Variants in SGCD observed in about 807,000 individuals in gnomAD.
SGCD encodes the protein delta-sarcoglycan.
In SGCD, 18 loss-of-function variants were observed where a neutral mutation model predicts 36.6. The observed-to-expected ratio is 0.49, with a 90% CI of 0.34 to 0.73. The LOEUF (loss-of-function observed/expected upper bound fraction) is 0.73, where lower values mean the gene tolerates loss of function less well. Among genes scored for constraint, SGCD ranks in the 30% least tolerant of loss-of-function variants. SGCD has a pLI of 0.01. For synonymous variants in SGCD, 133 were observed against 130.6 expected, an observed-to-expected ratio of 1.02 and a Z score of -0.12; for missense variants, 387 against 346.7, an observed-to-expected ratio of 1.12 and a Z score of -0.92.
chr5:156,332,236 A>C (rs1768103733), intron 2 of SGCD, among the ~76,000 whole-genome samples: 1 of 152,188 alleles, frequency 6.6e-6, no homozygotes. Context: ...AAAGGCTTGG[A>C]CTATAGGTAC....
At chr5:156,270,759 G>A (rs907553720) in intron 3 of SGCD, among the ~76,000 whole-genome samples, 3 of 152,160 alleles carry the variant, frequency 2.0e-5, no homozygotes, top group African/African-American at 7.2e-5. Context: ...CATCTGTGTA[G>A]TAGGGGCATT....
rs188884181 is a variant in SGCD at position 156,117,216 on chromosome 5, G to A, written c.-281-662G>A. 2.2e-4 allele frequency among the ~76,000 whole-genome samples: 34 copies of A among 152,154 alleles called. No homozygotes were observed. In the East Asian group the frequency reaches 6.2e-3, roughly 28 times the overall value. The stretch of plus-strand genomic sequence containing the variant: ...ACTCTGAATAATTTGGTCTAGTAGG[G>A]AAGACGCAAACACATTGTTGCCCAT... On this transcript the variant is annotated intron_variant, in intron 1 of 9. Coordinates refer to the SGCD transcript ENST00000517913.
intron 7 of SGCD, among the ~76,000 whole-genome samples, chr5:156,712,444 T>C (rs1755034515): frequency 6.6e-6 from 1 of 152,244 alleles, no homozygotes; most frequent in African/African-American, 2.4e-5. Flanking sequence ...AAAATTAAAG[T>C]TTATTTTCCC....
At chr5:156,170,119 A>G (rs1233663957) in intron 3 of SGCD, among the ~76,000 whole-genome samples, 6 of 152,224 alleles carry the variant, frequency 3.9e-5, no homozygotes, top group Non-Finnish European at 8.8e-5. Flanking sequence ...AGGGAGGCCC[A>G]GGCTTTGACC....
the SGCD span, among the ~76,000 whole-genome samples, chr5:155,801,440 G>C: frequency 6.6e-6 from 1 of 152,092 alleles, no homozygotes; most frequent in Non-Finnish European, 1.5e-5. Context: ...CAACTTTGCT[G>C]GGTTTTATAG....
At chr5:156,647,172 C>T (rs1016972480) in intron 6 of SGCD, among the ~76,000 whole-genome samples, 7 of 152,140 alleles carry the variant, frequency 4.6e-5, no homozygotes, top group African/African-American at 1.7e-4. Flanking sequence ...AGAGTCAGAC[C>T]TTACCATTTC....
At chr5:155,804,899 C>T in the SGCD span, among the ~76,000 whole-genome samples, 1 of 152,110 alleles carries the variant, frequency 6.6e-6, no homozygotes, top group African/African-American at 2.4e-5. Flanking sequence ...TAGGTGTTGC[C>T]TGTAATTCTC....
chr5:155,986,020 C>T (rs541159318), intron 1 of SGCD, among the ~76,000 whole-genome samples: 2 of 152,020 alleles, frequency 1.3e-5, no homozygotes, highest in Admixed American at 6.6e-5. Context: ...TGTAGAGTGT[C>T]GAGGCACCCC....
At chr5:156,690,440 A>G (rs1226770197) in intron 7 of SGCD, among the ~76,000 whole-genome samples, 1 of 152,170 alleles carries the variant, frequency 6.6e-6, no homozygotes, top group Non-Finnish European at 1.5e-5. Flanking sequence ...AGGGAATAGA[A>G]AGAGGTGGTA....
rs552527608 is a variant in SGCD, at chr5:156,559,237, G to A, written c.295-29994G>A. 7.9e-5 allele frequency among the ~76,000 whole-genome samples: 12 copies of A among 152,226 alleles called. No individual in the cohort carries two copies. In the South Asian group the frequency reaches 8.3e-4, roughly 11 times the overall value. On this transcript the variant is annotated intron_variant, in intron 4 of 8. Transcript: ENST00000337851. The stretch of plus-strand genomic sequence containing the variant: ...AGTGCCCCTGGCTCTCTCAGACTGG[G>A]AGGTTTTCCATCATGAAGACATCCA...
intron 7 of SGCD, among the ~76,000 whole-genome samples, chr5:156,728,993 G>A (rs1378451760): frequency 6.6e-6 from 1 of 152,088 alleles, no homozygotes; most frequent in East Asian, 1.9e-4. Context: ...ATGTAAACAA[G>A]GTCTATCCTT....
chr5:156,490,417 G>A (rs1261460054), intron 3 of SGCD, among the ~76,000 whole-genome samples: 2 of 151,456 alleles, frequency 1.3e-5, no homozygotes, highest in Non-Finnish European at 2.9e-5. Context: ...GCAAATGACA[G>A]GCCAATATTT....
chr5:156,217,113 G>A (rs1419807156), intron 3 of SGCD, among the ~76,000 whole-genome samples: 1 of 151,992 alleles, frequency 6.6e-6, no homozygotes, highest in African/African-American at 2.4e-5. Flanking sequence ...AAGAAAGAAA[G>A]AAAATGAATG....
chr5:156,368,761 A>T (rs1770238371), intron 3 of SGCD, among the ~76,000 whole-genome samples: 1 of 152,174 alleles, frequency 6.6e-6, no homozygotes, highest in Non-Finnish European at 1.5e-5. Context: ...CCTTATGAGA[A>T]TCTAATGCCC....
chr5:156,581,346 G>A (rs1345110938), intron 4 of SGCD, among the ~76,000 whole-genome samples: 1 of 152,178 alleles, frequency 6.6e-6, no homozygotes, highest in East Asian at 1.9e-4. Context: ...CCTACTGGGA[G>A]GTGTCTCCCA....
At chr5:156,428,955 A>G (rs1042282015) in intron 3 of SGCD, among the ~76,000 whole-genome samples, 3 of 152,050 alleles carry the variant, frequency 2.0e-5, no homozygotes, top group Non-Finnish European at 4.4e-5. Context: ...GTGACTTAGC[A>G]TATGGTCTAT....
chr5:156,512,654 C>T (rs752553405), intron 4 of SGCD, among the ~76,000 whole-genome samples: 1 of 152,130 alleles, frequency 6.6e-6, no homozygotes, highest in African/African-American at 2.4e-5. Context: ...TGATAAGTTA[C>T]AATCTGATAA....
At chr5:155,868,835 G>A (rs1249755967), upstream of SGCD, among the ~76,000 whole-genome samples, 2 of 152,150 alleles carry the variant, frequency 1.3e-5, no homozygotes, top group African/African-American at 4.8e-5. Context: ...GCAGGTCAGG[G>A]AAAATAGGAT....
chr5:156,366,173 CTT>C (rs926742830), intron 3 of SGCD, among the ~76,000 whole-genome samples: 4 of 152,190 alleles, frequency 2.6e-5, no homozygotes, highest in African/African-American at 9.7e-5. Flanking sequence ...AGTTTTTCCT[CTT>C]TGCTGTGTGA....
Sources: gnomAD v4.1 joint callset for allele counts (sites outside exome capture counted in the v4.1 genomes callset) on GRCh38, gnomAD v4.1.1 for gene constraint, MANE v1.5 for transcripts, NCBI Gene and HGNC (gene_info 2026-07-23, HGNC 2026-07-21) for gene names.